RBFOX1: variants seen among roughly 807,000 people sequenced by gnomAD.
RBFOX1 encodes RNA binding protein fox-1 homolog 1.
A neutral mutation model predicts 57.7 loss-of-function variants in RBFOX1; 8 were observed. That is an observed-to-expected ratio of 0.14 (90% CI 0.08 to 0.25). RBFOX1 has a LOEUF of 0.25. Ranked by LOEUF, RBFOX1 falls within the 10% of genes least tolerant of loss-of-function variation. The probability of loss-of-function intolerance (pLI) is 1.00; values close to 1 mark genes in which losing one functional copy is unlikely to be tolerated. For synonymous variants in RBFOX1, 326 were observed against 222.4 expected, an observed-to-expected ratio of 1.47 and a Z score of -4.15; for missense variants, 611 against 548.5, an observed-to-expected ratio of 1.11 and a Z score of -1.14.
At chr16:5,686,296 C>T (rs1419745752) in intron 3 of RBFOX1, among the ~76,000 whole-genome samples, 1 of 152,178 alleles carries the variant, frequency 6.6e-6, no homozygotes, top group East Asian at 1.9e-4. Flanking sequence ...TTAGTAATAT[C>T]CGTGATGTTC....
At chr16:5,624,623 C>T (rs1010495027) in intron 3 of RBFOX1, among the ~76,000 whole-genome samples, 5 of 152,228 alleles carry the variant, frequency 3.3e-5, no homozygotes, top group African/African-American at 1.2e-4. Flanking sequence ...AGGACAGTGT[C>T]TGTGATTGTG....
chr16:7,502,811 G>A (rs979861743), intron 4 of RBFOX1, among the ~76,000 whole-genome samples: 4 of 152,100 alleles, frequency 2.6e-5, no homozygotes, highest in South Asian at 4.2e-4. Context: ...ATCATCTGAG[G>A]TCAGGGTTTG....
intron 9 of RBFOX1, among the ~76,000 whole-genome samples, chr16:7,598,905 T>A (rs1465199384): frequency 6.6e-6 from 1 of 152,240 alleles, no homozygotes; most frequent in Non-Finnish European, 1.5e-5. Flanking sequence ...AGCAATGTAT[T>A]ATCATTTGGT....
chr16:7,202,490 G>T (rs1258396557), intron 4 of RBFOX1, among the ~76,000 whole-genome samples: 1 of 152,182 alleles, frequency 6.6e-6, no homozygotes, highest in South Asian at 2.1e-4. Context: ...ATATTTAAAA[G>T]AGGTGAATGT....
chr16:7,228,535 G>C (rs979712969), intron 4 of RBFOX1, among the ~76,000 whole-genome samples: 4 of 152,164 alleles, frequency 2.6e-5, no homozygotes, highest in Non-Finnish European at 4.4e-5. Flanking sequence ...AAATTTTACA[G>C]ATTGGGAAAC....
At chr16:5,682,602 C>T (rs1463724442) in intron 3 of RBFOX1, among the ~76,000 whole-genome samples, 1 of 152,134 alleles carries the variant, frequency 6.6e-6, no homozygotes, top group Non-Finnish European at 1.5e-5. Flanking sequence ...GGAATTATCC[C>T]CATTGTACAG....
rs536241170 is a variant in RBFOX1 at position 5,953,277 on chromosome 16, G to A, written c.351+85942G>A. 6.0e-3 allele frequency among the ~76,000 whole-genome samples: 916 copies of A among 152,302 alleles called. 8 individuals carry two copies. The highest frequency in any genetic ancestry group is 0.021 in the African/African-American group (884 of 41,564). On this transcript the variant is annotated intron_variant, in intron 4 of 19. Coordinates refer to the RBFOX1 transcript ENST00000641259. ...GGATGCCCAATGAAACTGGAAATGTGTAACAATTTTTTAGTATATGTGTTG... is the reference window on the plus strand; with the variant it reads ...GGATGCCCAATGAAACTGGAAATGTATAACAATTTTTTAGTATATGTGTTG...
intron 5 of RBFOX1, among the ~76,000 whole-genome samples, chr16:7,523,650 C>G (rs1052962155): frequency 6.6e-6 from 1 of 152,158 alleles, no homozygotes; most frequent in Non-Finnish European, 1.5e-5. Flanking sequence ...GGGGCTGAAG[C>G]AGGTGGGCTT....
chr16:5,276,409 C>G (rs2063141253), intron 1 of RBFOX1, among the ~76,000 whole-genome samples: 1 of 152,108 alleles, frequency 6.6e-6, no homozygotes, highest in South Asian at 2.1e-4. Context: ...AAATGGCCAA[C>G]AAACATATGA....
chr16:5,296,914 G>A (rs1377908567), intron 1 of RBFOX1, among the ~76,000 whole-genome samples: 4 of 152,122 alleles, frequency 2.6e-5, no homozygotes, highest in African/African-American at 9.6e-5. Flanking sequence ...CCTACCTCAT[G>A]ATCCTCCTGC....
At chr16:6,166,165 G>A (rs1055047733) in intron 1 of RBFOX1, among the ~76,000 whole-genome samples, 17 of 152,098 alleles carry the variant, frequency 1.1e-4, no homozygotes, top group African/African-American at 4.1e-4. Context: ...CATCTTAGTT[G>A]GCAATTCAGT....
chr16:6,880,224 G>T (rs181700538), intron 3 of RBFOX1, among the ~76,000 whole-genome samples: 2 of 147,266 alleles, frequency 1.4e-5, no homozygotes, highest in Admixed American at 6.8e-5. Context: ...TTTCCACCGG[G>T]GGGTAGCAAC....
chr16:5,517,444 G>A lies in RBFOX1; in HGVS notation c.258+50190G>A, dbSNP rs142885003. 1.8e-3 allele frequency among the ~76,000 whole-genome samples: 271 copies of A among 152,122 alleles called. 4 individuals carry two copies. Among genetic ancestry groups the A allele is most frequent in the African/African-American group, 6.4e-3 (264 of 41,488 alleles). Reference sequence around the variant, plus strand: ...CTTCTCTGAGTCTGTGGGACTTTTCGGCTTGGCTTCCAATAGCTTTTTGGC... The same window carrying A: ...CTTCTCTGAGTCTGTGGGACTTTTCAGCTTGGCTTCCAATAGCTTTTTGGC... On this transcript the variant is annotated intron_variant, in intron 2 of 2. Transcript: ENST00000585867.
At chr16:7,244,268 A>C (rs971866249) in intron 4 of RBFOX1, among the ~76,000 whole-genome samples, 8 of 143,998 alleles carry the variant, frequency 5.6e-5, no homozygotes, top group Admixed American at 4.8e-4. Context: ...AAAAAAAAAA[A>C]AAACACCCTT....
At chr16:5,894,897 CT>C (rs1407456546) in intron 4 of RBFOX1, among the ~76,000 whole-genome samples, 1 of 79,844 alleles carries the variant, frequency 1.3e-5, no homozygotes, top group East Asian at 4.8e-4. Context: ...TGGCAGGTGC[CT>C]GTAGTCCCCT....
At chr16:5,706,985 G>A (rs960823983) in intron 3 of RBFOX1, among the ~76,000 whole-genome samples, 1 of 152,088 alleles carries the variant, frequency 6.6e-6, no homozygotes, top group Non-Finnish European at 1.5e-5. Context: ...AGCGTCCTGC[G>A]TAAAAGCAAT....
intron 4 of RBFOX1, among the ~76,000 whole-genome samples, chr16:5,969,740 C>T (rs1243482722): frequency 1.3e-5 from 2 of 151,974 alleles, no homozygotes; most frequent in Non-Finnish European, 2.9e-5. Flanking sequence ...AAAAAATTGT[C>T]CCTTGCTGTC....
At chr16:5,289,652 G>A (rs971312821) in intron 1 of RBFOX1, among the ~76,000 whole-genome samples, 1 of 152,204 alleles carries the variant, frequency 6.6e-6, no homozygotes, top group African/African-American at 2.4e-5. Flanking sequence ...ATCACATTTA[G>A]TGTGGACCCT....
At chr16:6,975,412 C>T (rs769360399) in intron 3 of RBFOX1, among the ~76,000 whole-genome samples, 36 of 152,082 alleles carry the variant, frequency 2.4e-4, no homozygotes, top group Admixed American at 2.0e-4. Flanking sequence ...GTTACAGGCA[C>T]ATACCACCAT....
Sources: gnomAD v4.1 joint callset for allele counts (sites outside exome capture counted in the v4.1 genomes callset) on GRCh38, gnomAD v4.1.1 for gene constraint, MANE v1.5 for transcripts, NCBI Gene and HGNC (gene_info 2026-07-23, HGNC 2026-07-21) for gene names.